Variants in TIAM2 observed in about 807,000 individuals in gnomAD.
TIAM2 encodes TIAM Rac1 associated GEF 2.
TIAM2 carries 80 observed loss-of-function variants against 152.9 expected under a neutral mutation model. The ratio of observed to expected loss-of-function variants is 0.52; its 90% CI spans 0.44 to 0.63. The LOEUF (loss-of-function observed/expected upper bound fraction) is 0.63, where lower values mean the gene tolerates loss of function less well. Among genes scored for constraint, TIAM2 ranks in the 30% least tolerant of loss-of-function variants. The probability of loss-of-function intolerance (pLI) is 0.00; values close to 1 mark genes in which losing one functional copy is unlikely to be tolerated. For synonymous variants in TIAM2, 804 were observed against 838.0 expected, an observed-to-expected ratio of 0.96 and a Z score of 0.70; for missense variants, 1,965 against 2,120.1, an observed-to-expected ratio of 0.93 and a Z score of 1.44.
At position 155,136,432 on chromosome 6, in the gene TIAM2, G is replaced by T. The variant is rs1232533283; in HGVS notation, c.1195-745G>T. Among the ~76,000 whole-genome samples the T allele has an allele frequency of 5.9e-5, 9 of 151,776 alleles. No individual in the cohort carries two copies. The East Asian group carries it at 1.8e-3, about 30-fold the overall frequency. ...TGGGATTACAGGTGCTCACCGCCAGGCCTGGCTAATTTTTGTATTTTTAGT... is the reference window on the plus strand; with the variant it reads ...TGGGATTACAGGTGCTCACCGCCAGTCCTGGCTAATTTTTGTATTTTTAGT... On this transcript the variant is annotated intron_variant, in intron 4 of 26. Transcript: ENST00000682666.
At position 155,129,451 on chromosome 6, in the gene TIAM2, G is replaced by T. The variant is rs756434305; in HGVS notation, c.228G>T (p.Ser76=). ...TTAAGAGTAACCAGCCTTACGCATC[G>T]AGACTCGGTGGCCCCACATGCAAGG... is the stretch of plus-strand genomic sequence containing the variant. ...SHFKSNQPYA[S]RLGGPTCKVS... The change falls in exon 4 of 27, where the codon TCG becomes TCT. Residue 76 remains serine, a synonymous_variant. Coordinates refer to ENST00000682666, the MANE Select transcript of TIAM2 (RefSeq NM_012454.4). This position sits in a 1 kb window ranked among gnomAD's most constrained non-coding sequence, Gnocchi z 4.8. The T allele has an allele frequency of 6.2e-7, 1 of 1,613,968 alleles. No individual in the cohort carries two copies. Among genetic ancestry groups the T allele is most frequent in the African/African-American group, 1.3e-5 (1 of 74,886 alleles).
At chr6:155,029,599 AG>A (rs2114886861) in intron 1 of TIAM2, among the ~76,000 whole-genome samples, 1 of 100,442 alleles carries the variant, frequency 1.0e-5, no homozygotes, top group African/African-American at 4.1e-5. Flanking sequence ...TAGTATATAT[AG>A]TTATATAACT....
At chr6:155,059,409 C>G (rs1487877326) in intron 1 of TIAM2, among the ~76,000 whole-genome samples, 5 of 151,892 alleles carry the variant, frequency 3.3e-5, no homozygotes, top group Admixed American at 3.3e-4. Context: ...CTGGGACCTC[C>G]GCCTCCCAGG....
intron 1 of TIAM2, among the ~76,000 whole-genome samples, chr6:155,021,323 A>G (rs961711012): frequency 6.6e-6 from 1 of 152,052 alleles, no homozygotes; most frequent in African/African-American, 2.4e-5. Flanking sequence ...GTGCAATGGT[A>G]CGATCTCGGC....
Position 155,027,831 on chromosome 6 carries a change from T to C in TIAM2, c.-209+32339T>C, listed in dbSNP as rs1776642358. Among the ~76,000 whole-genome samples, 3 of 102,810 alleles carry C rather than the reference T, an allele frequency of 2.9e-5. No individual in the cohort carries two copies. In the South Asian group the frequency reaches 9.1e-4, roughly 31 times the overall value. The allele number at this position is 102,810 out of a possible 152,430, so 67.4% of individuals were successfully genotyped here. A position where few individuals can be genotyped will look rare whatever the true frequency, so the allele number is the denominator to read the frequency against. On this transcript the variant is annotated intron_variant, in intron 1 of 26. Coordinates refer to ENST00000682666, the MANE Select transcript of TIAM2 (RefSeq NM_012454.4). ...TATATAATATATGTACTGTGATACA[T>C]ATATACTATATATAATATATGTACT...
chr6:155,073,670 A>G (rs1240096282), intron 1 of TIAM2, among the ~76,000 whole-genome samples: 1 of 150,142 alleles, frequency 6.7e-6, no homozygotes, highest in Non-Finnish European at 1.5e-5. Context: ...AGCTGAGAAG[A>G]AAAAAAAAAG....
At position 155,213,898 on chromosome 6, in the gene TIAM2, G is replaced by A. The variant is rs1387060640; in HGVS notation, c.3168+2591G>A. The stretch of plus-strand genomic sequence containing the variant: ...CTCAACTTTGCTCCAAGAGCAGAGC[G>A]GGCACCAGGAGTAGGGAGAAACCAG... On this transcript the variant is annotated intron_variant, in intron 15 of 26. Transcript: ENST00000682666. This position sits in a 1 kb window ranked among gnomAD's most constrained non-coding sequence, Gnocchi z 4.2. Among the ~76,000 whole-genome samples, 13 of 152,218 alleles carry A rather than the reference G, an allele frequency of 8.5e-5. No homozygotes were observed. The highest frequency in any genetic ancestry group is 1.6e-4 in the Non-Finnish European group (11 of 68,034).
chr6:155,029,980 A>T (rs1045504150), intron 1 of TIAM2, among the ~76,000 whole-genome samples: 1 of 151,494 alleles, frequency 6.6e-6, no homozygotes, highest in Non-Finnish European at 1.5e-5. Context: ...TTTTGTAGAG[A>T]TGGGGGTCTC....
chr6:155,239,171 AC>A (rs1319862765), intron 15 of TIAM2, among the ~76,000 whole-genome samples: 1 of 152,248 alleles, frequency 6.6e-6, no homozygotes, highest in African/African-American at 2.4e-5. Flanking sequence ...TCAGCTTCTT[AC>A]CCAAGACAGA....
chr6:155,165,322 G>A lies in TIAM2; in HGVS notation c.2274G>A (p.Gly758=), dbSNP rs764953374. ...GGACACTGTCACTGACCCAGCGAGG[G>A]AGAAACAAGAAGGGAATATTTTCTT... ...RKRTLSLTQR[G]RNKKGIFSSL... is the part of the protein sequence containing the mutation. The change falls in exon 9 of 27, where the codon GGG becomes GGA. Residue 758 remains glycine, a synonymous_variant. Coordinates refer to ENST00000682666, the MANE Select transcript of TIAM2 (RefSeq NM_012454.4). 1.2e-6 allele frequency: 2 copies of A among 1,614,100 alleles called. No individual in the cohort carries two copies. Among genetic ancestry groups the A allele is most frequent in the South Asian group, 2.2e-5 (2 of 91,080 alleles).
At chr6:155,167,357 G>A (rs947396332) in intron 9 of TIAM2, among the ~76,000 whole-genome samples, 6 of 152,064 alleles carry the variant, frequency 3.9e-5, no homozygotes, top group Non-Finnish European at 5.9e-5. Context: ...AAGTAGCTGG[G>A]ACTACAGGCT....
intron 24 of TIAM2, chr6:155,253,732 G>A: frequency 2.4e-6 from 1 of 420,010 alleles, no homozygotes; most frequent in Non-Finnish European, 4.2e-6. Flanking sequence ...GGGCTCCAGA[G>A]AGAGGGTGAA....
At chr6:155,065,233 C>T (rs757686375) in intron 1 of TIAM2, among the ~76,000 whole-genome samples, 5 of 151,922 alleles carry the variant, frequency 3.3e-5, no homozygotes, top group Non-Finnish European at 2.9e-5. Context: ...GGATTACAGG[C>T]GTGAGCCACC....
intron 1 of TIAM2, among the ~76,000 whole-genome samples, chr6:155,086,253 C>G (rs1778168589): frequency 6.6e-6 from 1 of 152,174 alleles, no homozygotes; most frequent in Non-Finnish European, 1.5e-5. Context: ...GTTTGGAGAT[C>G]TGAGTTCTAG....
chr6:155,079,349 T>A (rs533520098), intron 1 of TIAM2, among the ~76,000 whole-genome samples: 39 of 152,248 alleles, frequency 2.6e-4, no homozygotes, highest in African/African-American at 8.9e-4. Flanking sequence ...GACGTGAGCC[T>A]CCTCGCCTGG....
Position 155,257,133 on chromosome 6 carries a change from C to CCAGATAT in TIAM2, c.*13_*19dup, listed in dbSNP as rs757958148. On this transcript the variant is annotated 3_prime_UTR_variant, in exon 27 of 27. Coordinates refer to ENST00000682666, the MANE Select transcript of TIAM2 (RefSeq NM_012454.4). ...ACGGAAAATCATAGTATGATTCAATCCAGATATGGGTTAAATTCCTCATTT... is the reference window on the plus strand; with the variant it reads ...ACGGAAAATCATAGTATGATTCAATCCAGATATCAGATATGGGTTAAATTCCTCATTT... The CCAGATAT allele has an allele frequency of 1.2e-6, 2 of 1,607,962 alleles. No homozygotes were observed. Among genetic ancestry groups the CCAGATAT allele is most frequent in the Non-Finnish European group, 1.7e-6 (2 of 1,178,164 alleles).
rs368886935 is a variant in TIAM2, at chr6:155,182,186, T to C, written c.2708-40T>C. 58 of 1,552,228 alleles carry C rather than the reference T, an allele frequency of 3.7e-5. No homozygotes were observed. The African/African-American group carries it at 7.1e-4, about 19-fold the overall frequency. ...GTGTGGTTGGAGAAATTCAGTGTGGTGGGCTGAGACTTGCTTTTTCCTTTT... is the reference window on the plus strand; with the variant it reads ...GTGTGGTTGGAGAAATTCAGTGTGGCGGGCTGAGACTTGCTTTTTCCTTTT... On this transcript the variant is annotated intron_variant, in intron 12 of 26. Coordinates refer to ENST00000682666, the MANE Select transcript of TIAM2 (RefSeq NM_012454.4).
At chr6:155,012,953 G>T (rs73001053) in intron 1 of TIAM2, among the ~76,000 whole-genome samples, 11,063 of 152,240 alleles carry the variant, frequency 0.073, 577 homozygotes, top group South Asian at 0.24. Flanking sequence ...AGACCTTAGA[G>T]TGAGTTCAGA....
chr6:155,048,075 C>T (rs768010026), intron 1 of TIAM2, among the ~76,000 whole-genome samples: 4 of 152,060 alleles, frequency 2.6e-5, no homozygotes, highest in Admixed American at 1.3e-4. Flanking sequence ...GCCTCAGCCT[C>T]GCAAGTAGCT....
Sources: allele counts gnomAD v4.1 joint callset (sites outside exome capture counted in the v4.1 genomes callset), GRCh38; gene constraint gnomAD v4.1.1; non-coding constraint Gnocchi (gnomAD v3.1); transcripts MANE v1.5; gene names NCBI Gene and HGNC (gene_info 2026-07-23, HGNC 2026-07-21).